TDP1: variants seen among roughly 807,000 people sequenced by gnomAD.
TDP1 encodes the protein tyrosyl-DNA phosphodiesterase 1.
In TDP1, 64 loss-of-function variants were observed where a neutral mutation model predicts 81.5. The ratio of observed to expected loss-of-function variants is 0.79; its 90% CI spans 0.64 to 0.97. TDP1 has a LOEUF of 0.97. Among genes scored for constraint, TDP1 ranks in the 50% least tolerant of loss-of-function variants. The pLI, the probability that TDP1 is intolerant of heterozygous loss-of-function variation, is 0.00. For missense variants in TDP1, 723 were observed against 743.8 expected (o/e 0.97, Z 0.33); for synonymous variants, 256 against 264.3 (o/e 0.97, Z 0.30).
chr14:89,956,553 T>A (rs1891664347), intron 1 of TDP1, 25 bp from the exon 2 acceptor site: 1 of 152,492 alleles, frequency 6.6e-6, no homozygotes, highest in Middle Eastern at 3.4e-3. Flanking sequence ...TCTCACTTCC[T>A]TTGTCTTCAA....
chr14:89,975,364 C>T, intron 6 of TDP1: 1 of 983,544 alleles, frequency 1.0e-6, no homozygotes, highest in Non-Finnish European at 1.2e-6. Flanking sequence ...GCGTGAGCCA[C>T]CGCACCTGGC....
intron 14 of TDP1, among the ~76,000 whole-genome samples, chr14:90,015,235 T>C (rs578210475): frequency 5.6e-4 from 86 of 152,288 alleles, no homozygotes; most frequent in African/African-American, 1.9e-3. Context: ...CCAGGGCTCT[T>C]TTCTCAGCAT....
At chr14:89,960,436 C>G (rs1293983038) in intron 2 of TDP1, among the ~76,000 whole-genome samples, 1 of 152,226 alleles carries the variant, frequency 6.6e-6, no homozygotes, top group Non-Finnish European at 1.5e-5. Flanking sequence ...ACCCAGTTAT[C>G]TAGTTTCTTA....
chr14:89,968,206 T>C (rs1323364632), intron 5 of TDP1, among the ~76,000 whole-genome samples: 3 of 151,664 alleles, frequency 2.0e-5, no homozygotes, highest in African/African-American at 7.3e-5. Context: ...TAGTTTTAGC[T>C]GCATGTAAAA....
At chr14:89,960,329 G>T (rs1370863934) in intron 2 of TDP1, among the ~76,000 whole-genome samples, 1 of 152,012 alleles carries the variant, frequency 6.6e-6, no homozygotes, top group Non-Finnish European at 1.5e-5. Flanking sequence ...CCTCTGAGCT[G>T]CTTAAGTAGG....
chr14:89,956,066 G>A (rs1213745468), intron 1 of TDP1, 96 bp downstream of exon 1: 3 of 152,538 alleles, frequency 2.0e-5, no homozygotes, highest in Admixed American at 1.3e-4. Context: ...CGCGGTGCGC[G>A]GGCTGCTGGG....
At chr14:89,957,460 T>C (rs1891796337) in intron 2 of TDP1, among the ~76,000 whole-genome samples, 1 of 152,186 alleles carries the variant, frequency 6.6e-6, no homozygotes, top group African/African-American at 2.4e-5. Context: ...ATTTACTCCC[T>C]AGTCATGGCC....
chr14:90,007,217 A>G (rs1884132912), intron 14 of TDP1, among the ~76,000 whole-genome samples: 1 of 152,150 alleles, frequency 6.6e-6, no homozygotes, highest in Admixed American at 6.6e-5. Flanking sequence ...ACTGGCAATA[A>G]GCTCTTATTT....
intron 14 of TDP1, among the ~76,000 whole-genome samples, chr14:90,009,118 G>T (rs552373940): frequency 6.6e-6 from 1 of 152,314 alleles, no homozygotes; most frequent in African/African-American, 2.4e-5. Context: ...GATGGATTTG[G>T]ATTATTTTCC....
intron 6 of TDP1, among the ~76,000 whole-genome samples, chr14:89,972,300 A>AAG (rs1893754543): frequency 6.6e-6 from 1 of 151,708 alleles, no homozygotes; most frequent in Admixed American, 6.6e-5. Context: ...AGAGAGGGGG[A>AAG]AGAGCTACAC....
chr14:90,030,999 C>T (rs944954703), intron 15 of TDP1, among the ~76,000 whole-genome samples: 42 of 151,962 alleles, frequency 2.8e-4, no homozygotes, highest in Admixed American at 4.6e-4. Context: ...TCTTGAACTC[C>T]GGACCTCAAG....
intron 14 of TDP1, among the ~76,000 whole-genome samples, chr14:90,002,022 A>AT (rs1311895668): frequency 2.0e-5 from 3 of 152,080 alleles, no homozygotes; most frequent in African/African-American, 7.2e-5. Flanking sequence ...ATGGTTACTG[A>AT]CCAAAAATTA....
intron 14 of TDP1, among the ~76,000 whole-genome samples, chr14:90,008,735 G>C (rs1884348027): frequency 1.3e-5 from 2 of 152,120 alleles, no homozygotes; most frequent in Admixed American, 1.3e-4. Flanking sequence ...TTTTTGTTTT[G>C]TTTTTTGAGA....
In TDP1 at chr14:89,975,810, C is replaced by A; in HGVS notation, c.786C>A (p.His262Gln). The A allele has an allele frequency of 1.2e-6, 2 of 1,612,600 alleles. No homozygotes were observed. The highest frequency in any genetic ancestry group is 2.2e-5 in the South Asian group (2 of 91,060). ...AGTTGGATATTGCGTTTGGAACACACCACACGTAAGCACTTTTTGTGAAAT... is the reference window on the plus strand; with the variant it reads ...AGTTGGATATTGCGTTTGGAACACAACACACGTAAGCACTTTTTGTGAAAT... ...QAKLDIAFGTHHTKMMLLLYE... is the reference protein window; with the variant it reads ...QAKLDIAFGTQHTKMMLLLYE... The change falls in exon 7 of 17, where the codon CAC (histidine) becomes CAA (glutamine). Residue 262 changes from histidine to glutamine, a missense_variant. Physicochemically the swap from His to Gln is conservative, Grantham distance 24 (BLOSUM62 0). Coordinates refer to ENST00000335725, the MANE Select transcript of TDP1 (RefSeq NM_018319.4).
rs11851737 is a variant in TDP1 at position 89,971,013 on chromosome 14, A to T, written c.660-162A>T. ...CAACCATGCCTTGTCTAATTTTTGTATTAGTAGAGACGGGGTTTCACCATG... is the reference window on the plus strand; with the variant it reads ...CAACCATGCCTTGTCTAATTTTTGTTTTAGTAGAGACGGGGTTTCACCATG... On this transcript the variant is annotated intron_variant, in intron 5 of 16. Transcript: ENST00000335725. The T allele has an allele frequency of 0.02, 3,557 of 180,476 alleles. 122 individuals are homozygous for T. The highest frequency in any genetic ancestry group is 0.077 in the African/African-American group (3,217 of 41,892). The allele number at this position is 180,476 out of a possible 1,614,324, so 11.2% of individuals were successfully genotyped here.
At chr14:90,035,099 T>C (rs1217794543) in intron 16 of TDP1, among the ~76,000 whole-genome samples, 1 of 152,100 alleles carries the variant, frequency 6.6e-6, no homozygotes, top group Admixed American at 6.6e-5. Flanking sequence ...TCAGCTTTCA[T>C]GGTGAACCAA....
intron 8 of TDP1, among the ~76,000 whole-genome samples, chr14:89,982,332 G>A (rs1895072931): frequency 6.6e-6 from 1 of 152,174 alleles, no homozygotes; most frequent in South Asian, 2.1e-4. Context: ...TTGATCTACT[G>A]AATTTATGGT....
At chr14:90,021,438 G>T (rs949000056) in intron 15 of TDP1, among the ~76,000 whole-genome samples, 2 of 152,168 alleles carry the variant, frequency 1.3e-5, no homozygotes, top group Non-Finnish European at 2.9e-5. Context: ...TTTGGCTTCT[G>T]TTGTCAGCAT....
Position 90,043,210 on chromosome 14 carries a change from T to C in TDP1, c.*67T>C, listed in dbSNP as rs1888536814. On this transcript the variant is annotated 3_prime_UTR_variant, in exon 17 of 17. Coordinates refer to ENST00000335725, the MANE Select transcript of TDP1 (RefSeq NM_018319.4). Reference sequence around the variant, plus strand: ...CCACAAACATGGAATCTCTTCTTTGTACTGGATGTCCACTTCCCTTAAAGT... The same window carrying C: ...CCACAAACATGGAATCTCTTCTTTGCACTGGATGTCCACTTCCCTTAAAGT... 6.3e-7 allele frequency: 1 copy of C among 1,599,296 alleles called. No homozygotes were observed.
Sources: allele counts gnomAD v4.1 joint callset (sites outside exome capture counted in the v4.1 genomes callset), GRCh38; gene constraint gnomAD v4.1.1; transcripts MANE v1.5; gene names NCBI Gene and HGNC (gene_info 2026-07-23, HGNC 2026-07-21).